The following CAMK4 variants were observed in gnomAD, a reference collection of about 807,000 sequenced individuals.
The protein encoded by CAMK4 is calcium/calmodulin-dependent protein kinase type IV.
A neutral mutation model predicts 44.9 loss-of-function variants in CAMK4; 22 were observed. That is an observed-to-expected ratio of 0.49 (90% CI 0.35 to 0.70). The LOEUF (loss-of-function observed/expected upper bound fraction) is 0.70, where lower values mean the gene tolerates loss of function less well. Among genes scored for constraint, CAMK4 ranks in the 30% least tolerant of loss-of-function variants. CAMK4 has a pLI of 0.01. For synonymous variants in CAMK4, 218 were observed against 215.4 expected, an observed-to-expected ratio of 1.01 and a Z score of -0.11; for missense variants, 498 against 586.8, an observed-to-expected ratio of 0.85 and a Z score of 1.56.
At chr5:111,232,484 A>G (rs545884494) in intron 1 of CAMK4, among the ~76,000 whole-genome samples, 1 of 152,250 alleles carries the variant, frequency 6.6e-6, no homozygotes, top group African/African-American at 2.4e-5. Context: ...CAGGATATAC[A>G]TTTTTGTTTT....
At chr5:111,239,879 T>C (rs971988930) in intron 1 of CAMK4, among the ~76,000 whole-genome samples, 4 of 152,242 alleles carry the variant, frequency 2.6e-5, no homozygotes, top group African/African-American at 9.6e-5. Context: ...CTGCTACTGC[T>C]TGCAGCTTCT....
At chr5:111,472,377 C>T (rs1465815287) in intron 7 of CAMK4, among the ~76,000 whole-genome samples, 2 of 152,176 alleles carry the variant, frequency 1.3e-5, no homozygotes, top group Non-Finnish European at 2.9e-5. Flanking sequence ...ACGCTGCTGG[C>T]ACCTGCCGCA....
chr5:111,277,198 GAA>G (rs1448703394), intron 1 of CAMK4, among the ~76,000 whole-genome samples: 1 of 152,204 alleles, frequency 6.6e-6, no homozygotes, highest in Non-Finnish European at 1.5e-5. Flanking sequence ...ATGAATACTG[GAA>G]GTATTTGAAT....
At chr5:111,235,984 C>G (rs547352515) in intron 1 of CAMK4, among the ~76,000 whole-genome samples, 1 of 152,238 alleles carries the variant, frequency 6.6e-6, no homozygotes, top group Admixed American at 6.5e-5. Flanking sequence ...AAGACAGGAA[C>G]AGGCAGGACA....
rs77565209 is a variant in CAMK4 at position 111,400,224 on chromosome 5, T to C, written c.459+5442T>C. Reference sequence around the variant, plus strand: ...AGCTTTATAAAAATCAGATTTTCTCTGATTATTGCAATTAAGGGTTAACTT... The same window carrying C: ...AGCTTTATAAAAATCAGATTTTCTCCGATTATTGCAATTAAGGGTTAACTT... On this transcript the variant is annotated intron_variant, in intron 5 of 10. Coordinates refer to ENST00000282356, the MANE Select transcript of CAMK4 (RefSeq NM_001744.6). Among the ~76,000 whole-genome samples the C allele has an allele frequency of 1.9e-3, 295 of 152,330 alleles. 1 individual carries two copies. The highest frequency in any genetic ancestry group is 6.7e-3 in the African/African-American group (277 of 41,588).
At chr5:111,265,906 T>C (rs914930417) in intron 1 of CAMK4, 1 of 152,204 alleles carries the variant, frequency 6.6e-6, no homozygotes, top group Non-Finnish European at 1.5e-5. Flanking sequence ...AGTTTTCCAG[T>C]TGAGCTGCAG....
intron 1 of CAMK4, among the ~76,000 whole-genome samples, chr5:111,241,940 A>G (rs137959276): frequency 5.9e-5 from 9 of 152,322 alleles, no homozygotes; most frequent in Non-Finnish European, 1.2e-4. Flanking sequence ...GCTCTAGGCA[A>G]TAACTGATTT....
intron 5 of CAMK4, among the ~76,000 whole-genome samples, chr5:111,411,967 A>C (rs1752647733): frequency 1.3e-5 from 2 of 152,228 alleles, no homozygotes; most frequent in Admixed American, 1.3e-4. Flanking sequence ...ACATTGAAAC[A>C]AGCTTGATGT....
At chr5:111,392,648 TA>T (rs1489637092) in intron 4 of CAMK4, among the ~76,000 whole-genome samples, 2 of 152,040 alleles carry the variant, frequency 1.3e-5, no homozygotes, top group Non-Finnish European at 2.9e-5. Context: ...AAAACATATA[TA>T]AAACATTTTG....
At chr5:111,327,407 G>A (rs970395226) in intron 1 of CAMK4, among the ~76,000 whole-genome samples, 1 of 151,850 alleles carries the variant, frequency 6.6e-6, no homozygotes, top group Non-Finnish European at 1.5e-5. Flanking sequence ...CCAGTCTGTC[G>A]TTGTGGGACA....
At chr5:111,315,510 C>T (rs565576102) in intron 1 of CAMK4, among the ~76,000 whole-genome samples, 94 of 152,236 alleles carry the variant, frequency 6.2e-4, no homozygotes, top group Non-Finnish European at 1.0e-3. Flanking sequence ...GTTTCATTTA[C>T]GTGCCTGGCA....
intron 5 of CAMK4, among the ~76,000 whole-genome samples, chr5:111,422,354 T>C (rs1400948350): frequency 1.3e-5 from 2 of 152,216 alleles, no homozygotes; most frequent in East Asian, 1.9e-4. Context: ...GTAGAAATAG[T>C]ATTTCCCCAT....
chr5:111,474,770 C>G (rs1315370694), intron 8 of CAMK4, among the ~76,000 whole-genome samples: 1 of 152,144 alleles, frequency 6.6e-6, no homozygotes, highest in Non-Finnish European at 1.5e-5. Context: ...GGTTGATCGC[C>G]AAGACAGAAA....
chr5:111,322,136 A>C (rs959459770), intron 1 of CAMK4, among the ~76,000 whole-genome samples: 1 of 152,100 alleles, frequency 6.6e-6, no homozygotes, highest in Non-Finnish European at 1.5e-5. Flanking sequence ...GATCATTGAG[A>C]GAAGGGAAAC....
chr5:111,418,042 G>C (rs1752875881), intron 5 of CAMK4, among the ~76,000 whole-genome samples: 1 of 151,888 alleles, frequency 6.6e-6, no homozygotes, highest in Non-Finnish European at 1.5e-5. Context: ...TTTTCATTTG[G>C]GAAAGTCCTA....
chr5:111,339,070 A>T (rs1354524609), intron 1 of CAMK4, among the ~76,000 whole-genome samples: 6 of 151,024 alleles, frequency 4.0e-5, no homozygotes, highest in African/African-American at 1.5e-4. Flanking sequence ...GTTTTAATTG[A>T]GTTACTTAGT....
At chr5:111,228,170 T>C (rs1407740874) in intron 1 of CAMK4, among the ~76,000 whole-genome samples, 1 of 152,220 alleles carries the variant, frequency 6.6e-6, no homozygotes, top group Non-Finnish European at 1.5e-5. Flanking sequence ...GAAAACCAGA[T>C]GTATTCCCAG....
chr5:111,229,444 C>T (rs904027675), intron 1 of CAMK4, among the ~76,000 whole-genome samples: 3 of 152,192 alleles, frequency 2.0e-5, no homozygotes, highest in African/African-American at 4.8e-5. Context: ...CTTCCAAAAG[C>T]CCCACCTATA....
intron 4 of CAMK4, among the ~76,000 whole-genome samples, chr5:111,383,299 A>G (rs1178035603): frequency 1.3e-5 from 2 of 152,220 alleles, no homozygotes; most frequent in Non-Finnish European, 2.9e-5. Context: ...AGAAAGAGAC[A>G]AAGGGTCAAA....
Sources: gnomAD v4.1 joint callset for allele counts (sites outside exome capture counted in the v4.1 genomes callset) on GRCh38, gnomAD v4.1.1 for gene constraint, MANE v1.5 for transcripts, NCBI Gene and HGNC (gene_info 2026-07-23, HGNC 2026-07-21) for gene names.